Variants in ITGA8 observed in about 807,000 individuals in gnomAD.
ITGA8 encodes integrin subunit alpha 8.
ITGA8 carries 91 observed loss-of-function variants against 142.3 expected under a neutral mutation model. That is an observed-to-expected ratio of 0.64 (90% CI 0.54 to 0.76). The LOEUF (loss-of-function observed/expected upper bound fraction) is 0.76. Among genes scored for constraint, ITGA8 ranks in the 30% least tolerant of loss-of-function variants. ITGA8 has a pLI of 0.00. For missense variants in ITGA8, 1,406 were observed against 1,327.7 expected, an observed-to-expected ratio of 1.06 and a Z score of -0.92; for synonymous variants, 505 against 485.2, an observed-to-expected ratio of 1.04 and a Z score of -0.54.
intron 2 of ITGA8, among the ~76,000 whole-genome samples, chr10:15,715,692 C>T (rs1358684270): frequency 6.6e-6 from 1 of 152,244 alleles, no homozygotes; most frequent in Non-Finnish European, 1.5e-5. Context: ...CTTCAGGACC[C>T]AGAGCCAGTG....
chr10:15,638,443 A>G (rs1181054967), intron 13 of ITGA8, among the ~76,000 whole-genome samples: 1 of 152,218 alleles, frequency 6.6e-6, no homozygotes, highest in Non-Finnish European at 1.5e-5. Context: ...ATTTCTTAAT[A>G]GGCTGCACAG....
In ITGA8 at chr10:15,640,239, G is replaced by T. The variant is rs556303957; in HGVS notation, c.1399+3791C>A. On this transcript the variant is annotated intron_variant, in intron 13 of 29. Transcript: ENST00000378076. The stretch of plus-strand genomic sequence containing the variant: ...TCTACGGCCCGTGTTCCACGGGACC[G>T]ACCTGGGTGTCAGGTCTTCCTCATA... Among the ~76,000 whole-genome samples the T allele has an allele frequency of 3.3e-5, 5 of 152,284 alleles. 1 individual carries two copies. In the South Asian group the frequency reaches 1.0e-3, roughly 32 times the overall value.
intron 2 of ITGA8, among the ~76,000 whole-genome samples, chr10:15,716,061 C>T (rs999147176): frequency 6.6e-6 from 1 of 152,254 alleles, no homozygotes; most frequent in Non-Finnish European, 1.5e-5. Flanking sequence ...TTCCTTTCTC[C>T]TCCCCAGTGG....
intron 8 of ITGA8, among the ~76,000 whole-genome samples, chr10:15,663,746 G>C (rs1056135671): frequency 5.9e-5 from 9 of 151,888 alleles, no homozygotes; most frequent in African/African-American, 2.2e-4. Flanking sequence ...GCTAATTTTT[G>C]TATTTTTGAG....
chr10:15,596,959 A>G, intron 21 of ITGA8: 1 of 413,368 alleles, frequency 2.4e-6, no homozygotes, highest in Non-Finnish European at 4.3e-6. Flanking sequence ...TGTTGTAACT[A>G]AAAGACAGGC....
intron 8 of ITGA8, among the ~76,000 whole-genome samples, chr10:15,670,684 C>T (rs1307439208): frequency 1.3e-5 from 2 of 152,174 alleles, no homozygotes; most frequent in Non-Finnish European, 2.9e-5. Flanking sequence ...GATTTGTTCT[C>T]TTTTTTTCTT....
chr10:15,597,113 C>T, intron 21 of ITGA8, 94 bp downstream of exon 21: 2 of 918,766 alleles, frequency 2.2e-6, no homozygotes, highest in African/African-American at 1.6e-5. Context: ...CTGCTAGGTG[C>T]TGAGTTGCTG....
At position 15,517,109 on chromosome 10, in the gene ITGA8, T is replaced by A. The variant is rs1220049294; in HGVS notation, c.*49A>T. On this transcript the variant is annotated 3_prime_UTR_variant, in exon 30 of 30. Coordinates refer to ENST00000378076, the MANE Select transcript of ITGA8 (RefSeq NM_003638.3). The stretch of plus-strand genomic sequence containing the variant: ...TTAACCCTCATGTTCTTTCTTTTTC[T>A]TTGAACAGGACCAGTGTTTGAGGTC... The A allele has an allele frequency of 1.5e-5, 21 of 1,368,572 alleles. No homozygotes were observed. Among genetic ancestry groups the A allele is most frequent in the Admixed American group, 2.0e-5 (1 of 50,326 alleles). The allele number at this position is 1,368,572 out of a possible 1,614,324, so 84.8% of individuals were successfully genotyped here. A position where few individuals can be genotyped will look rare whatever the true frequency, so the allele number is the denominator to read the frequency against.
At chr10:15,558,423 G>T (rs1471052349) in intron 25 of ITGA8, among the ~76,000 whole-genome samples, 2 of 152,168 alleles carry the variant, frequency 1.3e-5, no homozygotes, top group Non-Finnish European at 2.9e-5. Flanking sequence ...CGAAGCATGG[G>T]GAATGCATTC....
At chr10:15,576,171 C>T (rs775540878) in intron 23 of ITGA8, among the ~76,000 whole-genome samples, 1 of 151,930 alleles carries the variant, frequency 6.6e-6, no homozygotes, top group Non-Finnish European at 1.5e-5. Flanking sequence ...CTTTGGCTTC[C>T]TGGGAAAGCC....
chr10:15,536,099 C>G (rs975556175), intron 27 of ITGA8, among the ~76,000 whole-genome samples: 1 of 152,092 alleles, frequency 6.6e-6, no homozygotes, highest in Non-Finnish European at 1.5e-5. Context: ...ACTCTGGACA[C>G]GCTGCCTTTA....
intron 2 of ITGA8, among the ~76,000 whole-genome samples, chr10:15,713,764 C>T (rs1835402622): frequency 6.6e-6 from 1 of 152,206 alleles, no homozygotes; most frequent in African/African-American, 2.4e-5. Flanking sequence ...AAAACAAAGG[C>T]TTCCGGTCTC....
At chr10:15,623,097 G>A (rs1833522624) in intron 13 of ITGA8, among the ~76,000 whole-genome samples, 1 of 152,098 alleles carries the variant, frequency 6.6e-6, no homozygotes, top group African/African-American at 2.4e-5. Flanking sequence ...AATTTATCCT[G>A]AGGATATGTT....
chr10:15,719,891 C>G lies in ITGA8; in HGVS notation c.-120G>C. ...TGCCCGTGTCCCGGGTCGGTGCGCTCGGCGCACCCGTGGTGACAGTGCCCG... is the reference window on the plus strand; with the variant it reads ...TGCCCGTGTCCCGGGTCGGTGCGCTGGGCGCACCCGTGGTGACAGTGCCCG... On this transcript the variant is annotated 5_prime_UTR_variant, in exon 1 of 30. Transcript: ENST00000378076. 1.3e-6 allele frequency: 1 copy of G among 752,664 alleles called. No individual in the cohort carries two copies. Among genetic ancestry groups the G allele is most frequent in the Non-Finnish European group, 1.8e-6 (1 of 542,732 alleles). The allele number at this position is 752,664 out of a possible 1,614,324, so 46.6% of individuals were successfully genotyped here. A position where few individuals can be genotyped will look rare whatever the true frequency, so the allele number is the denominator to read the frequency against.
chr10:15,554,460 C>T (rs750558052), intron 26 of ITGA8, among the ~76,000 whole-genome samples: 10 of 133,992 alleles, frequency 7.5e-5, no homozygotes, highest in African/African-American at 1.4e-4. Flanking sequence ...ATGGCTGCCT[C>T]AGGGCTGCCC....
At position 15,607,660 on chromosome 10, in the gene ITGA8, C is replaced by T; in HGVS notation, c.1764+17G>A. 2 of 1,612,204 alleles carry T rather than the reference C, an allele frequency of 1.2e-6. No homozygotes were observed. Among genetic ancestry groups the T allele is most frequent in the South Asian group, 2.2e-5 (2 of 90,986 alleles). On this transcript the variant is annotated intron_variant, in intron 17 of 29. Coordinates refer to ENST00000378076, the MANE Select transcript of ITGA8 (RefSeq NM_003638.3). ...TATGAAGGAGAGAGGCCAGAGAAGT[C>T]TTTCTGGAATACTTACTCGAAGGTA...
chr10:15,565,000 C>G (rs1167929275), intron 25 of ITGA8, among the ~76,000 whole-genome samples: 4 of 152,208 alleles, frequency 2.6e-5, no homozygotes, highest in Non-Finnish European at 5.9e-5. Flanking sequence ...CTAAAAGAAT[C>G]TACTCACTCC....
At chr10:15,600,150 G>A (rs1417636121) in intron 20 of ITGA8, among the ~76,000 whole-genome samples, 2 of 152,170 alleles carry the variant, frequency 1.3e-5, no homozygotes, top group Non-Finnish European at 2.9e-5. Flanking sequence ...TAGGGTGCAT[G>A]TGCACAACGT....
chr10:15,617,092 A>T (rs1198195463), intron 13 of ITGA8, among the ~76,000 whole-genome samples: 2 of 152,264 alleles, frequency 1.3e-5, no homozygotes, highest in Non-Finnish European at 2.9e-5. Flanking sequence ...CTAACATATT[A>T]TAATGATCTG....
Sources: gnomAD v4.1 joint callset for allele counts (sites outside exome capture counted in the v4.1 genomes callset) on GRCh38, gnomAD v4.1.1 for gene constraint, MANE v1.5 for transcripts, NCBI Gene and HGNC (gene_info 2026-07-23, HGNC 2026-07-21) for gene names.